The following SLC43A2 variants were observed in gnomAD, a reference collection of about 807,000 sequenced individuals.
The protein encoded by SLC43A2 is solute carrier family 43 member 2.
A neutral mutation model predicts 63.2 loss-of-function variants in SLC43A2; 38 were observed. The ratio of observed to expected loss-of-function variants is 0.60; its 90% CI spans 0.46 to 0.79. The LOEUF (loss-of-function observed/expected upper bound fraction) is 0.79. SLC43A2 is among the 30% of genes least tolerant of loss of function. The probability of loss-of-function intolerance (pLI) is 0.00; values close to 1 mark genes in which losing one functional copy is unlikely to be tolerated. For synonymous variants in SLC43A2, 322 were observed against 331.0 expected (o/e 0.97, Z 0.30); for missense variants, 644 against 756.2 (o/e 0.85, Z 1.74).
intron 5 of SLC43A2, chr17:1,604,981 C>T: frequency 6.9e-7 from 1 of 1,448,334 alleles, no homozygotes; most frequent in Non-Finnish European, 9.1e-7. Context: ...CTAGCGCGGG[C>T]CTCGAGGGCT....
chr17:1,601,079 T>TGTTG (rs1905969063), intron 5 of SLC43A2, among the ~76,000 whole-genome samples: 1 of 151,510 alleles, frequency 6.6e-6, no homozygotes, highest in South Asian at 2.1e-4. Flanking sequence ...TTTGTTTGTT[T>TGTTG]GTTTGTTTGT....
chr17:1,583,386 C>T lies in SLC43A2; in HGVS notation c.1218-50G>A, dbSNP rs377145778. ...GGTGGGAGGGCTCCCCGGAGGAAGC[C>T]GGGTGCTCCTGAGAAGTCAGGCCTC... is the stretch of plus-strand genomic sequence containing the variant. On this transcript the variant is annotated intron_variant, in intron 10 of 13. Coordinates refer to ENST00000301335, the MANE Select transcript of SLC43A2 (RefSeq NM_152346.3). The surrounding 1 kb of genome is among the most constrained non-coding windows in gnomAD (Gnocchi z 5.5). 19 of 1,603,074 alleles carry T rather than the reference C, an allele frequency of 1.2e-5. No individual in the cohort carries two copies. Among genetic ancestry groups the T allele is most frequent in the South Asian group, 7.7e-5 (7 of 90,820 alleles).
upstream of SLC43A2, among the ~76,000 whole-genome samples, chr17:1,629,655 C>T (rs77211167): frequency 2.9e-3 from 449 of 152,354 alleles, 4 homozygotes; most frequent in Middle Eastern, 6.8e-3. Flanking sequence ...GACCCTCCAC[C>T]CTTGATCGTC....
At chr17:1,575,891 GC>G in intron 13 of SLC43A2, 126 bp from the exon 14 acceptor site, 1 of 1,106,296 alleles carries the variant, frequency 9.0e-7, no homozygotes, top group Non-Finnish European at 1.3e-6. Context: ...AAACAGGAAG[GC>G]CCACGAGGTC....
Position 1,593,914 on chromosome 17 carries a change from G to A in SLC43A2, c.502-635C>T, listed in dbSNP as rs1380728223. Among the ~76,000 whole-genome samples the A allele has an allele frequency of 2.0e-5, 3 of 151,960 alleles. No homozygotes were observed. The highest frequency in any genetic ancestry group is 4.8e-5 in the African/African-American group (2 of 41,368). ...GAGCGCAGTGGTGTGAGCTCGGCTCGTTGCAACCTCCGCCTCCCTGGTTCA... is the reference window on the plus strand; with the variant it reads ...GAGCGCAGTGGTGTGAGCTCGGCTCATTGCAACCTCCGCCTCCCTGGTTCA... On this transcript the variant is annotated intron_variant, in intron 5 of 13. Coordinates refer to ENST00000301335, the MANE Select transcript of SLC43A2 (RefSeq NM_152346.3). This position sits in a 1 kb window ranked among gnomAD's most constrained non-coding sequence, Gnocchi z 5.3.
At chr17:1,580,826 GGTGCAGTGAGCC>G (rs1449061681) in intron 11 of SLC43A2, among the ~76,000 whole-genome samples, 1 of 151,744 alleles carries the variant, frequency 6.6e-6, no homozygotes, top group Non-Finnish European at 1.5e-5. Flanking sequence ...AACTTCCCGG[GGTGCAGTGAGCC>G]GAGATTCTCC....
chr17:1,619,296 C>T (rs57044689), intron 2 of SLC43A2, among the ~76,000 whole-genome samples: 99 of 152,148 alleles, frequency 6.5e-4, no homozygotes, highest in African/African-American at 1.8e-3. Flanking sequence ...AGTGAGACCC[C>T]GTCTCGAAAA....
intron 5 of SLC43A2, among the ~76,000 whole-genome samples, chr17:1,597,041 C>T (rs549312967): frequency 6.5e-4 from 98 of 151,206 alleles, no homozygotes; most frequent in Non-Finnish European, 1.1e-3. Context: ...ATAGTGAGAC[C>T]CCGTCTCTAC....
chr17:1,588,285 C>T (rs542479273), intron 9 of SLC43A2, among the ~76,000 whole-genome samples: 2 of 152,042 alleles, frequency 1.3e-5, no homozygotes, highest in Non-Finnish European at 2.9e-5. Context: ...ACTTGGGAGG[C>T]TGAGGCAGAA....
rs2076098762 is a variant in SLC43A2, at chr17:1,586,152, G to A, written c.1079-101C>T. On this transcript the variant is annotated intron_variant, in intron 9 of 13. Transcript: ENST00000301335. ...GGGGCTGGTCCCCACAGGCTCTTCT[G>A]GGGTCTGCCCCAGAACCCCCTGTCA... 3 of 1,457,314 alleles carry A rather than the reference G, an allele frequency of 2.1e-6. No individual in the cohort carries two copies. The Admixed American group carries it at 7.6e-5, about 37-fold the overall frequency. 90.3% of individuals were successfully genotyped at this position (1,457,314 alleles called of 1,614,324 possible).
In SLC43A2 at chr17:1,593,528, AC is replaced by A. The variant is rs1384746589; in HGVS notation, c.502-250del. On this transcript the variant is annotated intron_variant, in intron 5 of 13. Coordinates refer to ENST00000301335, the MANE Select transcript of SLC43A2 (RefSeq NM_152346.3). This position sits in a 1 kb window ranked among gnomAD's most constrained non-coding sequence, Gnocchi z 5.3. ...CAGTTGTCTGACTTTCCGGCTGGCA[AC>A]CCTCCCTATCTCTCTGCTCCTGGCA... Among the ~76,000 whole-genome samples the A allele has an allele frequency of 6.6e-6, 1 of 151,514 alleles. No homozygotes were observed. The highest frequency in any genetic ancestry group is 2.4e-5 in the African/African-American group (1 of 41,204).
rs897360565 is a variant in SLC43A2, at chr17:1,593,097, G to T, written c.594+90C>A. On this transcript the variant is annotated intron_variant, in intron 6 of 13. Transcript: ENST00000301335. This position sits in a 1 kb window ranked among gnomAD's most constrained non-coding sequence, Gnocchi z 5.3. ...GGGTGGTGGAGAGGGGCCACCCCGGGTGCCCACAATTGCCTCCCTCTTCAG... is the reference window on the plus strand; with the variant it reads ...GGGTGGTGGAGAGGGGCCACCCCGGTTGCCCACAATTGCCTCCCTCTTCAG... 3.9e-6 allele frequency: 5 copies of T among 1,277,256 alleles called. No homozygotes were observed. The highest frequency in any genetic ancestry group is 5.6e-6 in the Non-Finnish European group (5 of 898,110). The allele number at this position is 1,277,256 out of a possible 1,614,324, so 79.1% of individuals were successfully genotyped here.
chr17:1,625,172 G>A (rs770367485), intron 2 of SLC43A2, among the ~76,000 whole-genome samples: 6 of 152,236 alleles, frequency 3.9e-5, no homozygotes, highest in South Asian at 2.1e-4. Flanking sequence ...CCAACTTCCC[G>A]CACCCAGGTC....
In SLC43A2 at chr17:1,583,548, G is replaced by C. The variant is rs954153287; in HGVS notation, c.1218-212C>G. 1 of 712,746 alleles carries C rather than the reference G, an allele frequency of 1.4e-6. No homozygotes were observed. The highest frequency in any genetic ancestry group is 1.8e-5 in the African/African-American group (1 of 56,016). The allele number at this position is 712,746 out of a possible 1,614,324, so 44.2% of individuals were successfully genotyped here. ...GCAAGCTGAGTGTGACTCTCGGAGG[G>C]GGTCTCGGGTACAAGAAGATGGCCA... is the stretch of plus-strand genomic sequence containing the variant. On this transcript the variant is annotated intron_variant, in intron 10 of 13. Transcript: ENST00000301335. The surrounding 1 kb of genome is among the most constrained non-coding windows in gnomAD (Gnocchi z 5.5).
intron 2 of SLC43A2, among the ~76,000 whole-genome samples, chr17:1,620,536 A>G (rs1908056609): frequency 6.6e-6 from 1 of 152,104 alleles, no homozygotes; most frequent in African/African-American, 2.4e-5. Flanking sequence ...ACGTAGGCCA[A>G]CAGCCTTCTC....
At chr17:1,585,080 C>T (rs1283808678) in intron 10 of SLC43A2, among the ~76,000 whole-genome samples, 3 of 152,240 alleles carry the variant, frequency 2.0e-5, no homozygotes, top group African/African-American at 4.8e-5. Context: ...GGGCGCGGTG[C>T]CTCATACCTG....
chr17:1,628,539 G>T (rs551971638), intron 1 of SLC43A2, among the ~76,000 whole-genome samples: 1 of 152,116 alleles, frequency 6.6e-6, no homozygotes, highest in African/African-American at 2.4e-5. Flanking sequence ...ACGAGGAGCC[G>T]GTTCAAACCG....
intron 7 of SLC43A2, 43 bp from the exon 8 acceptor site, chr17:1,591,514 C>T (rs538946298): frequency 2.9e-5 from 47 of 1,610,368 alleles, no homozygotes; most frequent in East Asian, 1.6e-4. Context: ...CCCGGGACCC[C>T]GGCTGGGGGG....
chr17:1,583,492 C>T lies in SLC43A2; in HGVS notation c.1218-156G>A. 1 of 1,275,594 alleles carries T rather than the reference C, an allele frequency of 7.8e-7. No individual in the cohort carries two copies. Among genetic ancestry groups the T allele is most frequent in the South Asian group, 1.5e-5 (1 of 67,008 alleles). The allele number at this position is 1,275,594 out of a possible 1,614,324, so 79.0% of individuals were successfully genotyped here. A position where few individuals can be genotyped will look rare whatever the true frequency, so the allele number is the denominator to read the frequency against. ...AGGGACTGTGTCGGGGCTGGACCAGCACTACGGACACTCCCCGGCCCTTCT... is the reference window on the plus strand; with the variant it reads ...AGGGACTGTGTCGGGGCTGGACCAGTACTACGGACACTCCCCGGCCCTTCT... On this transcript the variant is annotated intron_variant, in intron 10 of 13. Transcript: ENST00000301335. The surrounding 1 kb of genome is among the most constrained non-coding windows in gnomAD (Gnocchi z 5.5).
Sources: gnomAD v4.1 joint callset for allele counts (sites outside exome capture counted in the v4.1 genomes callset) on GRCh38, gnomAD v4.1.1 for gene constraint, Gnocchi (gnomAD v3.1) non-coding constraint, MANE v1.5 for transcripts, NCBI Gene and HGNC (gene_info 2026-07-23, HGNC 2026-07-21) for gene names.